Variants in SH3BGRL2 observed in about 807,000 individuals in gnomAD.
SH3BGRL2 encodes the protein SH3 domain-binding glutamic acid-rich-like protein 2.
SH3BGRL2 carries 21 observed loss-of-function variants against 14.8 expected under a neutral mutation model. The ratio of observed to expected loss-of-function variants is 1.42; its 90% confidence interval spans 1.01 to 2.05. SH3BGRL2 has a LOEUF of 2.05. SH3BGRL2 is among the 30% of genes most tolerant of loss of function. The pLI, the probability that SH3BGRL2 is intolerant of heterozygous loss-of-function variation, is 0.00. For missense variants in SH3BGRL2, 147 were observed against 130.8 expected, an observed-to-expected ratio of 1.12 and a Z score of -0.61; for synonymous variants, 50 against 47.8, an observed-to-expected ratio of 1.05 and a Z score of -0.19.
chr6:79,582,253 A>G, the SH3BGRL2 span, among the ~76,000 whole-genome samples: 2 of 152,152 alleles, frequency 1.3e-5, no homozygotes, highest in African/African-American at 2.4e-5. Context: ...TCAAGCTACC[A>G]ATGACTTTCT....
chr6:79,691,671 C>G (rs1770219707), intron 2 of SH3BGRL2, among the ~76,000 whole-genome samples: 1 of 151,084 alleles, frequency 6.6e-6, no homozygotes, highest in African/African-American at 2.4e-5. Context: ...CATGTCCCTA[C>G]AAAGGACATG....
At chr6:79,627,476 TGATA>T (rs1167871735), upstream of SH3BGRL2, among the ~76,000 whole-genome samples, 1 of 152,344 alleles carries the variant, frequency 6.6e-6, no homozygotes, top group African/African-American at 2.4e-5. Flanking sequence ...GAATATTGAT[TGATA>T]GCCATTGTTG....
the SH3BGRL2 span, among the ~76,000 whole-genome samples, chr6:79,562,651 G>T: frequency 6.6e-6 from 1 of 152,186 alleles, no homozygotes; most frequent in Non-Finnish European, 1.5e-5. Flanking sequence ...TCAAGCACAA[G>T]AATTCAGGAA....
the SH3BGRL2 span, among the ~76,000 whole-genome samples, chr6:79,556,383 G>C: frequency 6.6e-6 from 1 of 152,068 alleles, no homozygotes. Flanking sequence ...ATTACCCAAA[G>C]AGAATTTACT....
At chr6:79,555,366 C>T in the SH3BGRL2 span, among the ~76,000 whole-genome samples, 1 of 152,044 alleles carries the variant, frequency 6.6e-6, no homozygotes, top group Non-Finnish European at 1.5e-5. Flanking sequence ...AGGAAAATTG[C>T]TTGAACCCAG....
At chr6:79,682,719 G>C (rs913840020) in intron 2 of SH3BGRL2, among the ~76,000 whole-genome samples, 1 of 152,180 alleles carries the variant, frequency 6.6e-6, no homozygotes, top group African/African-American at 2.4e-5. Context: ...ATTTTTAATA[G>C]CAGAACAAAC....
the SH3BGRL2 span, among the ~76,000 whole-genome samples, chr6:79,561,900 G>A: frequency 1.3e-5 from 2 of 152,108 alleles, no homozygotes; most frequent in Non-Finnish European, 2.9e-5. Context: ...TTGAGTAGAG[G>A]CCAGAGTCAG....
intron 2 of SH3BGRL2, among the ~76,000 whole-genome samples, chr6:79,680,222 G>A (rs572854279): frequency 3.9e-5 from 6 of 152,196 alleles, no homozygotes; most frequent in Admixed American, 3.3e-4. Flanking sequence ...TTTGGTCCTT[G>A]GGTTTGTGTC....
At chr6:79,634,989 CCTGAAAGAAGA>C (rs1253497438) in intron 1 of SH3BGRL2, among the ~76,000 whole-genome samples, 1 of 152,036 alleles carries the variant, frequency 6.6e-6, no homozygotes, top group Non-Finnish European at 1.5e-5. Context: ...AGGGTAGACT[CCTGAAAGAAGA>C]CTGAAAGAAG....
the SH3BGRL2 span, among the ~76,000 whole-genome samples, chr6:79,571,427 G>C: frequency 6.6e-6 from 1 of 152,126 alleles, no homozygotes; most frequent in Admixed American, 6.5e-5. Flanking sequence ...GTTTTGTTCT[G>C]CTTTGCTTTG....
At chr6:79,633,603 G>A (rs1364105960) in intron 1 of SH3BGRL2, among the ~76,000 whole-genome samples, 1 of 152,148 alleles carries the variant, frequency 6.6e-6, no homozygotes, top group Non-Finnish European at 1.5e-5. Flanking sequence ...CATGCTTACA[G>A]ACTATAAACA....
the SH3BGRL2 span, among the ~76,000 whole-genome samples, chr6:79,551,253 T>C: frequency 1.3e-5 from 2 of 152,276 alleles, no homozygotes; most frequent in South Asian, 2.1e-4. Flanking sequence ...TTCTATTGAA[T>C]TATAAAACCT....
At chr6:79,649,985 T>TCACA (rs1554202291) in intron 1 of SH3BGRL2, among the ~76,000 whole-genome samples, 1,440 of 142,044 alleles carry the variant, frequency 0.01, 25 homozygotes, top group African/African-American at 0.032. Context: ...TCTCTCTCTC[T>TCACA]CACACACACA....
In SH3BGRL2 at chr6:79,696,495, G is replaced by GT. The variant is rs771667298; in HGVS notation, c.249dup (p.Glu84Ter). On this transcript the variant is annotated frameshift_variant, in exon 3 of 4. Transcript: ENST00000369838. LOFTEE classifies it high-confidence loss of function. ...TCCCTTTTTTTCTAGGATTATGACA[G>GT]TTTTTTTGAATCCAAGGAAAGCAAC... The GT allele has an allele frequency of 4.4e-6, 7 of 1,579,208 alleles. No individual in the cohort carries two copies. The highest frequency in any genetic ancestry group is 2.4e-5 in the South Asian group (2 of 83,442).
intron 1 of SH3BGRL2, among the ~76,000 whole-genome samples, chr6:79,666,442 A>T (rs1283501268): frequency 6.6e-6 from 1 of 152,196 alleles, no homozygotes; most frequent in Non-Finnish European, 1.5e-5. Context: ...AACTAGGCTA[A>T]TGTCTGCCAC....
chr6:79,645,988 A>C (rs1359248011), intron 1 of SH3BGRL2, among the ~76,000 whole-genome samples: 1 of 152,060 alleles, frequency 6.6e-6, no homozygotes, highest in African/African-American at 2.4e-5. Flanking sequence ...CATACCCTAA[A>C]CCAGGGTTTG....
At chr6:79,543,435 C>T in the SH3BGRL2 span, among the ~76,000 whole-genome samples, 1 of 152,144 alleles carries the variant, frequency 6.6e-6, no homozygotes, top group Non-Finnish European at 1.5e-5. Flanking sequence ...AAGTAATGGT[C>T]CCAGGTAGCC....
chr6:79,675,625 T>C (rs1769865193), intron 2 of SH3BGRL2, among the ~76,000 whole-genome samples: 1 of 152,150 alleles, frequency 6.6e-6, no homozygotes, highest in South Asian at 2.1e-4. Context: ...TTTCTAATAC[T>C]TTAATCTTTT....
At chr6:79,635,967 A>G (rs1432889607) in intron 1 of SH3BGRL2, among the ~76,000 whole-genome samples, 2 of 152,222 alleles carry the variant, frequency 1.3e-5, no homozygotes, top group Non-Finnish European at 2.9e-5. Context: ...AAAGATTTCT[A>G]CATCTTAAAC....
Sources: gnomAD v4.1 joint callset for allele counts (sites outside exome capture counted in the v4.1 genomes callset) on GRCh38, gnomAD v4.1.1 for gene constraint, MANE v1.5 for transcripts, NCBI Gene and HGNC (gene_info 2026-07-23, HGNC 2026-07-21) for gene names.